Variants in NKAIN2 observed in about 807,000 individuals in gnomAD.
The protein encoded by NKAIN2 is sodium/potassium transporting ATPase interacting 2, also known as sodium/potassium-transporting ATPase subunit beta-1-interacting protein 2.
Under a neutral mutation model 32.6 loss-of-function variants are expected in NKAIN2, and 14 were observed. The ratio of observed to expected loss-of-function variants is 0.43; its 90% confidence interval spans 0.28 to 0.67. The LOEUF (loss-of-function observed/expected upper bound fraction) is 0.67, where lower values mean the gene tolerates loss of function less well. Ranked by LOEUF, NKAIN2 falls within the 30% of genes least tolerant of loss-of-function variation. The pLI, the probability that NKAIN2 is intolerant of heterozygous loss-of-function variation, is 0.17. For missense variants in NKAIN2, 198 were observed against 258.3 expected, an observed-to-expected ratio of 0.77 and a Z score of 1.60; for synonymous variants, 80 against 87.2, an observed-to-expected ratio of 0.92 and a Z score of 0.46.
At chr6:124,786,339 A>G (rs1779504244) in intron 4 of NKAIN2, among the ~76,000 whole-genome samples, 1 of 152,156 alleles carries the variant, frequency 6.6e-6, no homozygotes, top group Admixed American at 6.6e-5. Flanking sequence ...TAGGAAAGAT[A>G]GGGAAAGGTA....
intron 1 of NKAIN2, among the ~76,000 whole-genome samples, chr6:123,810,819 T>A (rs980226053): frequency 4.6e-5 from 7 of 152,162 alleles, no homozygotes; most frequent in African/African-American, 1.7e-4. Flanking sequence ...CCATAATTAT[T>A]GTACTTGGGA....
At chr6:124,509,164 A>G (rs1166790744) in intron 3 of NKAIN2, among the ~76,000 whole-genome samples, 2 of 152,186 alleles carry the variant, frequency 1.3e-5, no homozygotes, top group African/African-American at 4.8e-5. Flanking sequence ...CCTTCCCAAC[A>G]AGTAATAAGT....
At chr6:124,012,922 A>G (rs1417628396) in intron 1 of NKAIN2, among the ~76,000 whole-genome samples, 2 of 152,104 alleles carry the variant, frequency 1.3e-5, no homozygotes, top group African/African-American at 4.8e-5. Context: ...GTTTTTCAAA[A>G]CAGTTGTTTC....
At chr6:124,332,438 A>AT (rs1266013182) in intron 2 of NKAIN2, among the ~76,000 whole-genome samples, 1 of 152,090 alleles carries the variant, frequency 6.6e-6, no homozygotes, top group Non-Finnish European at 1.5e-5. Context: ...AAATTTGTAC[A>AT]TTTTTGGCAT....
chr6:124,668,390 T>C (rs1772919282), intron 4 of NKAIN2, among the ~76,000 whole-genome samples: 1 of 152,142 alleles, frequency 6.6e-6, no homozygotes, highest in Non-Finnish European at 1.5e-5. Context: ...TAGCTCTACC[T>C]CTTAAGTTTG....
chr6:124,741,042 C>T (rs1207038154), intron 4 of NKAIN2, among the ~76,000 whole-genome samples: 1 of 151,522 alleles, frequency 6.6e-6, no homozygotes, highest in Non-Finnish European at 1.5e-5. Context: ...TTGGGATATG[C>T]TCAAAAGAAG....
chr6:124,426,318 TA>T (rs1240635371), intron 3 of NKAIN2, among the ~76,000 whole-genome samples: 1 of 152,120 alleles, frequency 6.6e-6, no homozygotes, highest in Non-Finnish European at 1.5e-5. Flanking sequence ...GATCCACACT[TA>T]AAAAATGATA....
intron 2 of NKAIN2, among the ~76,000 whole-genome samples, chr6:124,350,099 A>T (rs543015227): frequency 3.0e-4 from 45 of 152,360 alleles, no homozygotes; most frequent in African/African-American, 1.0e-3. Flanking sequence ...ACTACAAGTT[A>T]GGTGGTATCT....
intron 1 of NKAIN2, among the ~76,000 whole-genome samples, chr6:123,860,748 T>A (rs1056619410): frequency 6.6e-6 from 1 of 152,168 alleles, no homozygotes; most frequent in African/African-American, 2.4e-5. Flanking sequence ...TTATTGAAGC[T>A]TTTTATATAT....
At chr6:124,157,923 A>T (rs1173376926) in intron 1 of NKAIN2, among the ~76,000 whole-genome samples, 1 of 152,200 alleles carries the variant, frequency 6.6e-6, no homozygotes, top group Non-Finnish European at 1.5e-5. Flanking sequence ...TTAATTAAAG[A>T]TGAAAGTGAT....
intron 1 of NKAIN2, among the ~76,000 whole-genome samples, chr6:124,007,666 A>C (rs2114726961): frequency 6.6e-6 from 1 of 152,290 alleles, no homozygotes; most frequent in Middle Eastern, 3.4e-3. Flanking sequence ...GCTAGACCTC[A>C]ACCCTACACT....
rs768532595 is a variant in NKAIN2 at position 123,827,911 on chromosome 6, C to CAT, written c.54+23668_54+23669dup. On this transcript the variant is annotated intron_variant, in intron 1 of 6. Transcript: ENST00000368417. ...TCTCTCTCTCTATATATATATATGT[C>CAT]ATATATATATATGCAAGTTCCTTTG... Among the ~76,000 whole-genome samples, 155 of 150,688 alleles carry CAT rather than the reference C, an allele frequency of 1.0e-3. 1 individual carries two copies. Among genetic ancestry groups the CAT allele is most frequent in the African/African-American group, 3.2e-3 (132 of 41,062 alleles).
chr6:124,581,793 A>G (rs1429657265), intron 3 of NKAIN2, among the ~76,000 whole-genome samples: 1 of 152,230 alleles, frequency 6.6e-6, no homozygotes, highest in Non-Finnish European at 1.5e-5. Flanking sequence ...AGATAATTGT[A>G]AAACTTCTTG....
rs906667967 is a variant in NKAIN2 at position 124,341,161 on chromosome 6, GT to G, written c.193-14100del. Among the ~76,000 whole-genome samples the G allele has an allele frequency of 1.6e-4, 24 of 152,028 alleles. No individual in the cohort carries two copies. The East Asian group carries it at 3.9e-3, about 24-fold the overall frequency. ...TTTATATGTCTTACTAAACTAAACC[GT>G]TTTTTGCAAAATGGAAATTTCTGGG... On this transcript the variant is annotated intron_variant, in intron 2 of 6. Coordinates refer to ENST00000368417, the MANE Select transcript of NKAIN2 (RefSeq NM_001040214.3).
At chr6:123,899,013 G>A (rs1422567372) in intron 1 of NKAIN2, among the ~76,000 whole-genome samples, 1 of 152,204 alleles carries the variant, frequency 6.6e-6, no homozygotes, top group Non-Finnish European at 1.5e-5. Context: ...TGTAAAGATG[G>A]ATGTGCACAG....
intron 4 of NKAIN2, among the ~76,000 whole-genome samples, chr6:124,758,614 G>A (rs554881450): frequency 6.6e-6 from 1 of 152,242 alleles, no homozygotes; most frequent in South Asian, 2.1e-4. Flanking sequence ...GTTCCCACCT[G>A]ACCCCAGTTG....
intron 3 of NKAIN2, among the ~76,000 whole-genome samples, chr6:124,410,363 A>C (rs1217233247): frequency 6.6e-6 from 1 of 152,152 alleles, no homozygotes; most frequent in Non-Finnish European, 1.5e-5. Context: ...CACTGCTTTG[A>C]ATGTGTCCCA....
chr6:123,936,909 C>T (rs1776536857), intron 1 of NKAIN2, among the ~76,000 whole-genome samples: 1 of 152,048 alleles, frequency 6.6e-6, no homozygotes, highest in Non-Finnish European at 1.5e-5. Context: ...GAAATGTAAA[C>T]CTCTTCAATA....
chr6:124,646,349 C>G (rs1784167214), intron 3 of NKAIN2, among the ~76,000 whole-genome samples: 2 of 151,592 alleles, frequency 1.3e-5, no homozygotes, highest in South Asian at 4.2e-4. Flanking sequence ...TAAAGAAAAT[C>G]TCAGAGAGTA....
Sources: allele counts gnomAD v4.1 joint callset (sites outside exome capture counted in the v4.1 genomes callset), GRCh38; gene constraint gnomAD v4.1.1; transcripts MANE v1.5; gene names NCBI Gene and HGNC (gene_info 2026-07-23, HGNC 2026-07-21).